The following NEGR1 variants were observed in gnomAD, a reference collection of about 807,000 sequenced individuals.
The protein encoded by NEGR1 is neuronal growth regulator 1.
Under a neutral mutation model 40.9 loss-of-function variants are expected in NEGR1, and 10 were observed. That is an observed-to-expected ratio of 0.24 (90% CI 0.15 to 0.42). The LOEUF is 0.42. NEGR1 is among the 10% of genes least tolerant of loss of function. The pLI is 1.00. For synonymous variants in NEGR1, 185 were observed against 166.8 expected (o/e 1.11, Z -0.84); for missense variants, 352 against 438.9 (o/e 0.80, Z 1.77).
At chr1:71,981,349 T>G (rs1646352788) in intron 1 of NEGR1, among the ~76,000 whole-genome samples, 1 of 152,082 alleles carries the variant, frequency 6.6e-6, no homozygotes, top group South Asian at 2.1e-4. Context: ...CTAGAAGGTC[T>G]TACACGAGGC....
At chr1:71,481,716 G>A (rs538362143) in intron 6 of NEGR1, among the ~76,000 whole-genome samples, 11 of 151,864 alleles carry the variant, frequency 7.2e-5, no homozygotes, top group African/African-American at 2.4e-4. Flanking sequence ...CTTTGGCACT[G>A]ATTTTCTTAG....
intron 6 of NEGR1, among the ~76,000 whole-genome samples, chr1:71,504,954 A>T (rs1647022462): frequency 6.6e-6 from 1 of 152,146 alleles, no homozygotes; most frequent in African/African-American, 2.4e-5. Context: ...GGAGGAAAAA[A>T]AATTAATCCT....
intron 1 of NEGR1, among the ~76,000 whole-genome samples, chr1:72,244,426 T>G (rs144987752): frequency 3.3e-4 from 50 of 152,044 alleles, no homozygotes; most frequent in African/African-American, 9.9e-4. Flanking sequence ...TACATATGTA[T>G]GTTTACATAC....
At chr1:71,629,021 A>G (rs1300473224) in intron 4 of NEGR1, among the ~76,000 whole-genome samples, 1 of 151,994 alleles carries the variant, frequency 6.6e-6, no homozygotes, top group Admixed American at 6.6e-5. Context: ...ACTAATTTAC[A>G]CTCCCACCAA....
chr1:71,499,358 G>A (rs1300409100), intron 6 of NEGR1, among the ~76,000 whole-genome samples: 2 of 151,102 alleles, frequency 1.3e-5, no homozygotes, highest in Non-Finnish European at 2.9e-5. Context: ...TGCAGAGAAG[G>A]CAAAGATGTA....
At chr1:71,838,876 T>A (rs1330682516) in intron 2 of NEGR1, among the ~76,000 whole-genome samples, 1 of 152,154 alleles carries the variant, frequency 6.6e-6, no homozygotes, top group Non-Finnish European at 1.5e-5. Flanking sequence ...GAAGTAAAAT[T>A]AAAAATCAGT....
intron 6 of NEGR1, among the ~76,000 whole-genome samples, chr1:71,471,005 T>C (rs907052311): frequency 2.0e-5 from 3 of 152,124 alleles, no homozygotes; most frequent in African/African-American, 7.2e-5. Context: ...CTGTTTTCTG[T>C]CTATCAGGTA....
At chr1:71,686,479 G>C (rs1286140517) in intron 4 of NEGR1, among the ~76,000 whole-genome samples, 1 of 152,058 alleles carries the variant, frequency 6.6e-6, no homozygotes, top group African/African-American at 2.4e-5. Context: ...AAAGCTAATG[G>C]GTTAGTATTC....
At chr1:72,008,844 A>C (rs550169370) in intron 1 of NEGR1, among the ~76,000 whole-genome samples, 1 of 152,076 alleles carries the variant, frequency 6.6e-6, no homozygotes, top group Non-Finnish European at 1.5e-5. Flanking sequence ...TGTTAATTGC[A>C]TACTCCTAGA....
chr1:71,686,696 C>A (rs573487486), intron 4 of NEGR1, among the ~76,000 whole-genome samples: 27 of 152,272 alleles, frequency 1.8e-4, no homozygotes, highest in African/African-American at 6.3e-4. Flanking sequence ...GATAAATTAC[C>A]TTTACCCCAT....
chr1:72,180,436 C>A (rs747967343), intron 1 of NEGR1, among the ~76,000 whole-genome samples: 1 of 151,356 alleles, frequency 6.6e-6, no homozygotes, highest in Non-Finnish European at 1.5e-5. Context: ...ATACCAAAAT[C>A]TCAGGCCACA....
At chr1:71,822,541 G>A (rs1658468527) in intron 2 of NEGR1, among the ~76,000 whole-genome samples, 1 of 151,864 alleles carries the variant, frequency 6.6e-6, no homozygotes. Context: ...TCCTGTTGCT[G>A]CTCAGTGTCC....
chr1:71,505,507 T>C (rs1329652218), intron 6 of NEGR1, among the ~76,000 whole-genome samples: 18 of 152,108 alleles, frequency 1.2e-4, no homozygotes, highest in Admixed American at 1.2e-3. Context: ...GGTCTCAATC[T>C]CCTGACCTCG....
At chr1:71,769,156 T>A (rs562955994) in intron 3 of NEGR1, among the ~76,000 whole-genome samples, 81 of 152,182 alleles carry the variant, frequency 5.3e-4, no homozygotes, top group African/African-American at 1.9e-3. Flanking sequence ...TAATTGAAAT[T>A]TTTTTCCTTT....
At chr1:71,417,763 G>A (rs963156451) in intron 6 of NEGR1, among the ~76,000 whole-genome samples, 21 of 152,260 alleles carry the variant, frequency 1.4e-4, no homozygotes, top group African/African-American at 4.1e-4. Flanking sequence ...AGTGTTTATT[G>A]AAGTGCTGAT....
intron 1 of NEGR1, among the ~76,000 whole-genome samples, chr1:72,078,500 T>C (rs936824664): frequency 1.3e-5 from 2 of 151,970 alleles, no homozygotes; most frequent in South Asian, 2.1e-4. Flanking sequence ...CTGTTAGATA[T>C]GTGTTTACAA....
At chr1:71,523,055 G>T (rs551961570) in intron 6 of NEGR1, among the ~76,000 whole-genome samples, 26 of 152,034 alleles carry the variant, frequency 1.7e-4, no homozygotes, top group African/African-American at 5.5e-4. Context: ...TTGTTTAAAT[G>T]AACAAAAGAT....
chr1:72,275,582 A>G (rs1656020226), intron 1 of NEGR1, among the ~76,000 whole-genome samples: 1 of 152,132 alleles, frequency 6.6e-6, no homozygotes. Flanking sequence ...TGATATCAAG[A>G]AATTTAACTT....
At chr1:72,047,064 T>C (rs1264295820) in intron 1 of NEGR1, among the ~76,000 whole-genome samples, 1 of 151,440 alleles carries the variant, frequency 6.6e-6, no homozygotes, top group Non-Finnish European at 1.5e-5. Context: ...ACCTTTAGAT[T>C]CTTACATTGA....
Sources: allele counts gnomAD v4.1 joint callset (sites outside exome capture counted in the v4.1 genomes callset), GRCh38; gene constraint gnomAD v4.1.1; transcripts MANE v1.5; gene names NCBI Gene and HGNC (gene_info 2026-07-23, HGNC 2026-07-21).